The following B3GALT1 variants were observed in gnomAD, a reference collection of about 807,000 sequenced individuals.
B3GALT1 encodes UDP-Gal:betaGlcNAc beta 1,3-galactosyltransferase, polypeptide 1.
In B3GALT1, 10 loss-of-function variants were observed where a neutral mutation model predicts 23.2. That is an observed-to-expected ratio of 0.43 (90% confidence interval 0.27 to 0.73). The LOEUF is 0.73. Among genes scored for constraint, B3GALT1 ranks in the 30% least tolerant of loss-of-function variants. The pLI is 0.21. For synonymous variants in B3GALT1, 156 were observed against 141.5 expected (o/e 1.10, Z -0.73); for missense variants, 299 against 405.4 (o/e 0.74, Z 2.25).
chr2:167,679,497 G>A (rs1169172172), intron 3 of B3GALT1, among the ~76,000 whole-genome samples: 4 of 152,252 alleles, frequency 2.6e-5, no homozygotes, highest in Admixed American at 6.5e-5. Context: ...CAGGTGATCC[G>A]CCCACCTCGG....
chr2:167,296,327 GA>G (rs1370331465), intron 1 of B3GALT1, among the ~76,000 whole-genome samples: 2 of 152,178 alleles, frequency 1.3e-5, no homozygotes, highest in African/African-American at 4.8e-5. Context: ...GTTTGTACGT[GA>G]ATAGGTAAGA....
rs572272502 is a variant in B3GALT1 at position 167,637,347 on chromosome 2, C to T, written c.-409-9562C>T. 1.1e-4 allele frequency among the ~76,000 whole-genome samples: 16 copies of T among 152,108 alleles called. No individual in the cohort carries two copies. The South Asian group carries it at 3.3e-3, about 32-fold the overall frequency. On this transcript the variant is annotated intron_variant, in intron 2 of 4. Transcript: ENST00000392690. Reference sequence around the variant, plus strand: ...CCGTTATACTAATGCCCAGAGAAGTCAGATGCCTCTACCTGTTTTTTTTGT... The same window carrying T: ...CCGTTATACTAATGCCCAGAGAAGTTAGATGCCTCTACCTGTTTTTTTTGT...
chr2:167,767,825 T>A (rs1688003932), intron 3 of B3GALT1, among the ~76,000 whole-genome samples: 1 of 152,068 alleles, frequency 6.6e-6, no homozygotes, highest in African/African-American at 2.4e-5. Context: ...ATAAAGAAAT[T>A]TATTATAAAG....
chr2:167,592,107 G>A (rs1029773911), intron 2 of B3GALT1, among the ~76,000 whole-genome samples: 6 of 152,118 alleles, frequency 3.9e-5, no homozygotes, highest in Non-Finnish European at 8.8e-5. Flanking sequence ...TCTATGGGAG[G>A]TGCAAGTTTG....
chr2:167,786,547 G>A lies in B3GALT1; in HGVS notation c.-351-32125G>A, dbSNP rs1574261947. Reference sequence around the variant, plus strand: ...TAATAATGATTTTAGTAAGTTAAATGGTAACTTGACATAGTTACGAGACAG... The same window carrying A: ...TAATAATGATTTTAGTAAGTTAAATAGTAACTTGACATAGTTACGAGACAG... On this transcript the variant is annotated intron_variant, in intron 3 of 4. Coordinates refer to ENST00000392690, the MANE Select transcript of B3GALT1 (RefSeq NM_020981.4). Among the ~76,000 whole-genome samples the A allele has an allele frequency of 2.0e-5, 3 of 152,044 alleles. No homozygotes were observed. The South Asian group carries it at 6.2e-4, about 32-fold the overall frequency.
intron 4 of B3GALT1, among the ~76,000 whole-genome samples, chr2:167,820,158 A>G (rs1689076271): frequency 6.6e-6 from 1 of 152,226 alleles, no homozygotes; most frequent in South Asian, 2.1e-4. Context: ...TGCTGGTATA[A>G]ATAATACTTC....
At chr2:167,747,976 C>T (rs915511787) in intron 3 of B3GALT1, among the ~76,000 whole-genome samples, 1 of 152,100 alleles carries the variant, frequency 6.6e-6, no homozygotes, top group Non-Finnish European at 1.5e-5. Flanking sequence ...CTCCCTTTTC[C>T]TCTTCTTACA....
At chr2:167,419,952 A>G (rs559021576) in intron 1 of B3GALT1, among the ~76,000 whole-genome samples, 87 of 152,284 alleles carry the variant, frequency 5.7e-4, no homozygotes, top group African/African-American at 2.1e-3. Context: ...AAAACATATT[A>G]CTTTTCCTTT....
At chr2:167,495,245 A>G (rs1322269677) in intron 2 of B3GALT1, among the ~76,000 whole-genome samples, 1 of 151,004 alleles carries the variant, frequency 6.6e-6, no homozygotes, top group Non-Finnish European at 1.5e-5. Context: ...ATGGGAAGTG[A>G]TGAGAAAGTG....
intron 3 of B3GALT1, among the ~76,000 whole-genome samples, chr2:167,647,594 T>G (rs1685769929): frequency 6.6e-6 from 1 of 152,192 alleles, no homozygotes; most frequent in Admixed American, 6.5e-5. Flanking sequence ...CTGTATTTTC[T>G]GACCTGGATT....
At chr2:167,447,127 C>T (rs1036049124) in intron 1 of B3GALT1, among the ~76,000 whole-genome samples, 1 of 152,202 alleles carries the variant, frequency 6.6e-6, no homozygotes, top group African/African-American at 2.4e-5. Flanking sequence ...TGGAGGTCCA[C>T]TCCAGACCCT....
chr2:167,669,791 G>A (rs1686289830), intron 3 of B3GALT1, among the ~76,000 whole-genome samples: 1 of 152,022 alleles, frequency 6.6e-6, no homozygotes, highest in African/African-American at 2.4e-5. Context: ...TATCTTATCA[G>A]GGAAAATGAG....
intron 1 of B3GALT1, among the ~76,000 whole-genome samples, chr2:167,355,355 A>G (rs776238881): frequency 6.6e-6 from 1 of 152,214 alleles, no homozygotes; most frequent in Non-Finnish European, 1.5e-5. Context: ...ATTGCATTAC[A>G]TGGGTGAGGA....
intron 2 of B3GALT1, among the ~76,000 whole-genome samples, chr2:167,500,723 C>T (rs532501670): frequency 3.9e-5 from 6 of 152,168 alleles, no homozygotes; most frequent in Non-Finnish European, 5.9e-5. Flanking sequence ...AAGTCTTTAA[C>T]GATGAATATT....
intron 3 of B3GALT1, among the ~76,000 whole-genome samples, chr2:167,735,900 A>AAGGAAG (rs1687484572): frequency 6.6e-6 from 1 of 152,182 alleles, no homozygotes; most frequent in African/African-American, 2.4e-5. Flanking sequence ...GAAGAAGGAG[A>AAGGAAG]AGGAAGAGGA....
At chr2:167,531,826 T>A (rs778865769) in intron 2 of B3GALT1, among the ~76,000 whole-genome samples, 11 of 152,180 alleles carry the variant, frequency 7.2e-5, no homozygotes, top group Non-Finnish European at 1.3e-4. Flanking sequence ...TATTTCAAAA[T>A]TTATCAAGAT....
At chr2:167,362,022 C>T (rs1156653642) in intron 1 of B3GALT1, among the ~76,000 whole-genome samples, 4 of 152,010 alleles carry the variant, frequency 2.6e-5, no homozygotes, top group East Asian at 1.9e-4. Flanking sequence ...TGCAGTGAGC[C>T]GTGATCACAC....
Position 167,543,848 on chromosome 2 carries a change from C to T in B3GALT1, c.-410+53571C>T, listed in dbSNP as rs190252348. On this transcript the variant is annotated intron_variant, in intron 2 of 4. Coordinates refer to ENST00000392690, the MANE Select transcript of B3GALT1 (RefSeq NM_020981.4). ...TGGCTACAAACAACAGGGAATCAGACATATACTGGCTGTAACCAAATACAG... is the reference window on the plus strand; with the variant it reads ...TGGCTACAAACAACAGGGAATCAGATATATACTGGCTGTAACCAAATACAG... 2.5e-3 allele frequency among the ~76,000 whole-genome samples: 378 copies of T among 152,312 alleles called. 1 individual carries two copies. The highest frequency in any genetic ancestry group is 8.6e-3 in the African/African-American group (356 of 41,568).
At chr2:167,618,972 A>G (rs1685211225) in intron 2 of B3GALT1, among the ~76,000 whole-genome samples, 1 of 151,272 alleles carries the variant, frequency 6.6e-6, no homozygotes, top group South Asian at 2.1e-4. Context: ...GTTAGTAAAT[A>G]TCTTATGGGA....
Sources: gnomAD v4.1 joint callset for allele counts (sites outside exome capture counted in the v4.1 genomes callset) on GRCh38, gnomAD v4.1.1 for gene constraint, MANE v1.5 for transcripts, NCBI Gene and HGNC (gene_info 2026-07-23, HGNC 2026-07-21) for gene names.